The following ATAD2 variants were observed in gnomAD, a reference collection of about 807,000 sequenced individuals.
The protein encoded by ATAD2 is ATPase family AAA domain containing 2.
A neutral mutation model predicts 168.9 loss-of-function variants in ATAD2; 62 were observed. The ratio of observed to expected loss-of-function variants is 0.37; its 90% CI spans 0.30 to 0.45. The LOEUF (loss-of-function observed/expected upper bound fraction) is 0.45. Among genes scored for constraint, ATAD2 ranks in the 20% least tolerant of loss-of-function variants. The pLI is 1.00. For synonymous variants in ATAD2, 613 were observed against 571.6 expected, an observed-to-expected ratio of 1.07 and a Z score of -1.03; for missense variants, 1,419 against 1,667.8, an observed-to-expected ratio of 0.85 and a Z score of 2.60.
At chr8:123,324,399 A>G (rs1827551014) in intron 26 of ATAD2, among the ~76,000 whole-genome samples, 2 of 152,238 alleles carry the variant, frequency 1.3e-5, no homozygotes, top group Non-Finnish European at 1.5e-5. Flanking sequence ...TAAAACAGGT[A>G]AATTGGAATT....
At chr8:123,355,934 T>C (rs1443324326) in intron 13 of ATAD2, among the ~76,000 whole-genome samples, 2 of 152,142 alleles carry the variant, frequency 1.3e-5, no homozygotes, top group Non-Finnish European at 2.9e-5. Context: ...TACTTTTTTT[T>C]TGAGAGGGAG....
rs2129769376 is a variant in ATAD2, at chr8:123,372,695, T to TA, written c.321-10dup. ...GCTGTCTGGCCAACTGCCTATATTT[T>TA]AAAAAATTAGATTAATTCAAAATAA... is the stretch of plus-strand genomic sequence containing the variant. On this transcript the variant is annotated splice_polypyrimidine_tract_variant and intron_variant, in intron 2 of 27. Coordinates refer to ENST00000287394, the MANE Select transcript of ATAD2 (RefSeq NM_014109.4). The TA allele has an allele frequency of 1.3e-6, 2 of 1,567,876 alleles. No individual in the cohort carries two copies. Among genetic ancestry groups the TA allele is most frequent in the Non-Finnish European group, 1.7e-6 (2 of 1,158,928 alleles).
chr8:123,415,591 AT>A (rs1274549880), intron 1 of ATAD2, among the ~76,000 whole-genome samples: 1 of 121,542 alleles, frequency 8.2e-6, no homozygotes, highest in Non-Finnish European at 1.7e-5. Context: ...TTCACCAGAG[AT>A]AAACACTATT....
chr8:123,354,230 A>G (rs1563846624), intron 13 of ATAD2, among the ~76,000 whole-genome samples: 1 of 152,206 alleles, frequency 6.6e-6, no homozygotes, highest in East Asian at 1.9e-4. Flanking sequence ...CATTCACATA[A>G]TTACTTATTT....
At chr8:123,404,311 A>G (rs936852664) in intron 1 of ATAD2, among the ~76,000 whole-genome samples, 6 of 152,088 alleles carry the variant, frequency 3.9e-5, no homozygotes, top group African/African-American at 1.4e-4. Context: ...TGGTGGCTTA[A>G]AACAACAGAA....
intron 24 of ATAD2, among the ~76,000 whole-genome samples, chr8:123,329,556 A>G (rs1291072479): frequency 6.6e-6 from 1 of 151,976 alleles, no homozygotes; most frequent in Non-Finnish European, 1.5e-5. Flanking sequence ...AGGTCAGGTG[A>G]TCGAGACCAT....
intron 20 of ATAD2, 111 bp downstream of exon 20, chr8:123,339,200 C>T: frequency 1.0e-6 from 1 of 993,122 alleles, no homozygotes; most frequent in Non-Finnish European, 1.4e-6. Flanking sequence ...ATGCATCAAC[C>T]TCATGACTTA....
At chr8:123,349,564 CCTCA>C (rs1420853868) in intron 13 of ATAD2, 120 bp from the exon 14 acceptor site, 6 of 893,170 alleles carry the variant, frequency 6.7e-6, no homozygotes, top group Non-Finnish European at 9.8e-6. Flanking sequence ...TCTCAGGGCA[CCTCA>C]CTATTTCCAA....
At chr8:123,392,663 G>T (rs1392537638) in intron 1 of ATAD2, among the ~76,000 whole-genome samples, 1 of 152,014 alleles carries the variant, frequency 6.6e-6, no homozygotes, top group Non-Finnish European at 1.5e-5. Flanking sequence ...CAGATATCAA[G>T]GGGAAGAGTA....
intron 8 of ATAD2, among the ~76,000 whole-genome samples, chr8:123,362,414 CTTT>C (rs561886419): frequency 7.0e-6 from 1 of 143,682 alleles, no homozygotes; most frequent in Non-Finnish European, 1.5e-5. Flanking sequence ...AATCAAATAA[CTTT>C]TTTTTTTTTT....
At chr8:123,404,886 C>T (rs770429505) in intron 1 of ATAD2, among the ~76,000 whole-genome samples, 4 of 152,230 alleles carry the variant, frequency 2.6e-5, no homozygotes, top group Non-Finnish European at 4.4e-5. Context: ...ATTTAGAGCA[C>T]ACCCTGAATC....
At position 123,369,106 on chromosome 8, in the gene ATAD2, C is replaced by A; in HGVS notation, c.1001G>T (p.Arg334Leu). 1 of 1,595,440 alleles carries A rather than the reference C, an allele frequency of 6.3e-7. No homozygotes were observed. Among genetic ancestry groups the A allele is most frequent in the Non-Finnish European group, 8.6e-7 (1 of 1,168,200 alleles). Residue 334 changes from arginine (R) to leucine (L), a missense_variant, in exon 8 of 28, where the codon CGA (arginine) becomes CTA (leucine). Around this residue, in one of 5 missense-constraint regions of ATAD2, gnomAD observed 419 missense variants for 423.5 expected, o/e 0.99. Transcript: ENST00000287394. ...GPASPARPRY[R>L]LSSAGPRSPY... ...ACTTCTTGGTCCTGCGGAAGATAAT[C>A]GGTATCTTGGTCTTGCAGGAGAAGC...
intron 24 of ATAD2, among the ~76,000 whole-genome samples, chr8:123,333,142 A>G (rs1695725804): frequency 2.0e-5 from 3 of 146,418 alleles, no homozygotes; most frequent in African/African-American, 7.6e-5. Context: ...TAATCCCAAC[A>G]CTTTGGGAGG....
chr8:123,333,127 G>A (rs146581820), intron 24 of ATAD2, among the ~76,000 whole-genome samples: 2,672 of 147,874 alleles, frequency 0.018, 87 homozygotes, highest in African/African-American at 0.064. Flanking sequence ...AGTGGCTCAC[G>A]CCTGTAATCC....
intron 13 of ATAD2, among the ~76,000 whole-genome samples, chr8:123,350,007 C>T (rs1828400515): frequency 1.3e-5 from 2 of 151,518 alleles, no homozygotes; most frequent in Non-Finnish European, 1.5e-5. Flanking sequence ...CAGAGCAAGA[C>T]CTTGTCTCAA....
At chr8:123,404,228 G>A (rs1042870841) in intron 1 of ATAD2, among the ~76,000 whole-genome samples, 2 of 152,080 alleles carry the variant, frequency 1.3e-5, no homozygotes, top group Non-Finnish European at 2.9e-5. Context: ...TTCATTTCTT[G>A]GGTATCCTTC....
At position 123,380,737 on chromosome 8, in the gene ATAD2, C is replaced by G. The variant is rs911852861; in HGVS notation, c.172-60G>C. The G allele has an allele frequency of 3.1e-5, 48 of 1,542,768 alleles. No homozygotes were observed. In the Admixed American group the frequency reaches 9.0e-4, roughly 29 times the overall value. ...TCTTTACAAAACTCCAATTTAAATT[C>G]CTCCAAAGAGTATTCTCTGATTACA... is the stretch of plus-strand genomic sequence containing the variant. On this transcript the variant is annotated intron_variant, in intron 1 of 27. Transcript: ENST00000287394.
At chr8:123,369,258 C>A in intron 7 of ATAD2, 83 bp from the exon 8 acceptor site, 1 of 449,352 alleles carries the variant, frequency 2.2e-6, no homozygotes, top group Non-Finnish European at 3.2e-6. Flanking sequence ...TTTTGCTCTT[C>A]ATCTAAATAC....
intron 1 of ATAD2, among the ~76,000 whole-genome samples, chr8:123,387,239 A>G (rs564859081): frequency 5.9e-5 from 9 of 152,294 alleles, no homozygotes; most frequent in African/African-American, 1.9e-4. Flanking sequence ...CTAAAAATTT[A>G]ATGAATGAAT....
Sources: gnomAD v4.1 joint callset for allele counts (sites outside exome capture counted in the v4.1 genomes callset) on GRCh38, gnomAD v4.1.1 for gene constraint, gnomAD v4.1.1 regional missense constraint, MANE v1.5 for transcripts, NCBI Gene and HGNC (gene_info 2026-07-23, HGNC 2026-07-21) for gene names.